The following ATG10 variants were observed in gnomAD, a reference collection of about 807,000 sequenced individuals.
The protein encoded by ATG10 is autophagy related 10.
A neutral mutation model predicts 32.1 loss-of-function variants in ATG10; 30 were observed. The observed-to-expected ratio is 0.94, with a 90% CI of 0.70 to 1.27. The LOEUF (loss-of-function observed/expected upper bound fraction) is 1.27. ATG10 is among the 50% of genes most tolerant of loss of function. ATG10 has a pLI of 0.00. For missense variants in ATG10, 233 were observed against 262.3 expected, an observed-to-expected ratio of 0.89 and a Z score of 0.77; for synonymous variants, 87 against 91.5, an observed-to-expected ratio of 0.95 and a Z score of 0.28.
chr5:81,991,899 T>C (rs780998584), intron 2 of ATG10: 1 of 152,114 alleles, frequency 6.6e-6, no homozygotes, highest in Non-Finnish European at 1.5e-5. Flanking sequence ...TGATCATAGG[T>C]CACTGTAGCC....
At chr5:82,118,917 G>A (rs1339804457) in intron 3 of ATG10, among the ~76,000 whole-genome samples, 1 of 152,202 alleles carries the variant, frequency 6.6e-6, no homozygotes, top group African/African-American at 2.4e-5. Flanking sequence ...AAAGAGAAAA[G>A]AGGAGAGAGT....
At chr5:81,979,386 G>T (rs1348595377) in intron 1 of ATG10, among the ~76,000 whole-genome samples, 2 of 152,108 alleles carry the variant, frequency 1.3e-5, no homozygotes, top group Non-Finnish European at 2.9e-5. Context: ...AAATTAGCTG[G>T]GCGTGGTGGC....
At chr5:81,974,584 A>G (rs1760816842) in intron 1 of ATG10, among the ~76,000 whole-genome samples, 1 of 152,142 alleles carries the variant, frequency 6.6e-6, no homozygotes, top group Non-Finnish European at 1.5e-5. Context: ...TTTAAATGGA[A>G]TCTCCTTTGG....
At chr5:82,208,218 A>G (rs1453757851) in intron 5 of ATG10, among the ~76,000 whole-genome samples, 4 of 151,704 alleles carry the variant, frequency 2.6e-5, no homozygotes, top group Non-Finnish European at 5.9e-5. Context: ...ATAAGTTTAT[A>G]ATAAGTCTTG....
chr5:81,985,581 C>G (rs1761239485), intron 1 of ATG10, among the ~76,000 whole-genome samples: 1 of 152,172 alleles, frequency 6.6e-6, no homozygotes, highest in Non-Finnish European at 1.5e-5. Context: ...CCAGAGACCT[C>G]TGTCTTACTC....
intron 3 of ATG10, among the ~76,000 whole-genome samples, chr5:82,119,151 T>A (rs1765940668): frequency 6.6e-6 from 1 of 152,204 alleles, no homozygotes; most frequent in Non-Finnish European, 1.5e-5. Context: ...TATGTTTCCA[T>A]TTATAAAGCC....
At chr5:82,252,126 A>G (rs1012717516) in intron 5 of ATG10, among the ~76,000 whole-genome samples, 2 of 152,220 alleles carry the variant, frequency 1.3e-5, no homozygotes, top group Admixed American at 6.5e-5. Context: ...AAATTTGTGT[A>G]AAGAAATATG....
chr5:82,166,763 A>C (rs891540235), intron 4 of ATG10, among the ~76,000 whole-genome samples: 6 of 152,084 alleles, frequency 3.9e-5, no homozygotes, highest in Non-Finnish European at 8.8e-5. Flanking sequence ...TCTTTGTCTC[A>C]TTCTAAGAGA....
intron 1 of ATG10, among the ~76,000 whole-genome samples, chr5:81,985,673 A>G (rs1274501268): frequency 1.3e-5 from 2 of 152,166 alleles, no homozygotes; most frequent in Non-Finnish European, 1.5e-5. Flanking sequence ...TGTATTGTCC[A>G]TACCTAGTTC....
At chr5:82,221,252 G>A (rs566930538) in intron 5 of ATG10, among the ~76,000 whole-genome samples, 1 of 152,112 alleles carries the variant, frequency 6.6e-6, no homozygotes, top group African/African-American at 2.4e-5. Flanking sequence ...GGAAACTGTT[G>A]TTTCCAGAGA....
At chr5:82,250,694 C>A (rs979348865) in intron 5 of ATG10, among the ~76,000 whole-genome samples, 1 of 152,092 alleles carries the variant, frequency 6.6e-6, no homozygotes, top group African/African-American at 2.4e-5. Flanking sequence ...CTTATTTATT[C>A]GTTCTGTGTG....
At chr5:82,060,377 G>T (rs1763728237) in intron 3 of ATG10, among the ~76,000 whole-genome samples, 1 of 151,906 alleles carries the variant, frequency 6.6e-6, no homozygotes, top group Non-Finnish European at 1.5e-5. Flanking sequence ...AAAGTAAATT[G>T]CACACAAATA....
intron 3 of ATG10, among the ~76,000 whole-genome samples, chr5:82,059,541 T>A (rs1199349673): frequency 2.0e-5 from 3 of 152,120 alleles, no homozygotes; most frequent in African/African-American, 7.2e-5. Flanking sequence ...ATGGCACTCA[T>A]TGAAATAAAA....
At chr5:82,081,583 G>GT (rs1764482854) in intron 3 of ATG10, among the ~76,000 whole-genome samples, 1 of 152,156 alleles carries the variant, frequency 6.6e-6, no homozygotes, top group South Asian at 2.1e-4. Flanking sequence ...GTTGAATTTT[G>GT]TCAAAGGCCT....
At chr5:82,061,818 CT>C (rs11459926) in intron 3 of ATG10, among the ~76,000 whole-genome samples, 16 of 80,954 alleles carry the variant, frequency 2.0e-4, no homozygotes, top group Admixed American at 1.1e-3. Flanking sequence ...ACACACATAC[CT>C]TTTTTTTTTT....
intron 2 of ATG10, among the ~76,000 whole-genome samples, chr5:81,994,026 A>G (rs1005096305): frequency 1.3e-5 from 2 of 152,158 alleles, no homozygotes; most frequent in African/African-American, 2.4e-5. Flanking sequence ...TCAGTGTTTC[A>G]TATCGGCTGC....
intron 2 of ATG10, among the ~76,000 whole-genome samples, chr5:81,996,307 G>T (rs1168083954): frequency 6.6e-6 from 1 of 152,144 alleles, no homozygotes; most frequent in Non-Finnish European, 1.5e-5. Flanking sequence ...GAGTGATCAT[G>T]GCTCACTGCA....
In ATG10 at chr5:82,093,514, A is replaced by G. The variant is rs535901736; in HGVS notation, c.216+34912A>G. ...TCTAGCTCAGGGGATGACAAATGGC[A>G]GCCCATGAGTCAAATCTGGTCTACC... On this transcript the variant is annotated intron_variant, in intron 3 of 7. Coordinates refer to ENST00000282185, the MANE Select transcript of ATG10 (RefSeq NM_031482.5). Among the ~76,000 whole-genome samples, 8 of 152,312 alleles carry G rather than the reference A, an allele frequency of 5.3e-5. No homozygotes were observed. In the South Asian group the frequency reaches 1.7e-3, roughly 32 times the overall value.
intron 5 of ATG10, among the ~76,000 whole-genome samples, chr5:82,232,319 C>T (rs573886325): frequency 6.6e-6 from 1 of 152,292 alleles, no homozygotes; most frequent in Admixed American, 6.5e-5. Context: ...ATAGAATAAA[C>T]GTACCACCTG....
Sources: allele counts gnomAD v4.1 joint callset (sites outside exome capture counted in the v4.1 genomes callset), GRCh38; gene constraint gnomAD v4.1.1; transcripts MANE v1.5; gene names NCBI Gene and HGNC (gene_info 2026-07-23, HGNC 2026-07-21).